CPQ: variants seen among roughly 807,000 people sequenced by gnomAD.
CPQ encodes the protein carboxypeptidase Q.
A neutral mutation model predicts 45.7 loss-of-function variants in CPQ; 37 were observed. The observed-to-expected ratio is 0.81, with a 90% CI of 0.62 to 1.07. CPQ has a LOEUF of 1.07. CPQ is among the 50% of genes least tolerant of loss of function. The pLI is 0.00. For synonymous variants in CPQ, 186 were observed against 205.8 expected (o/e 0.90, Z 0.82); for missense variants, 537 against 572.9 (o/e 0.94, Z 0.64).
intron 7 of CPQ, among the ~76,000 whole-genome samples, chr8:97,121,373 G>T (rs1252651317): frequency 6.6e-6 from 1 of 152,150 alleles, no homozygotes; most frequent in African/African-American, 2.4e-5. Flanking sequence ...AAGCCAAAGT[G>T]GAAAGAACTT....
intron 4 of CPQ, among the ~76,000 whole-genome samples, chr8:96,955,790 A>G (rs1382893162): frequency 2.0e-5 from 3 of 152,196 alleles, no homozygotes; most frequent in African/African-American, 7.2e-5. Flanking sequence ...TCCCTATTTA[A>G]TGAATGGTGC....
At chr8:97,044,708 G>A (rs578091996) in intron 6 of CPQ, among the ~76,000 whole-genome samples, 53 of 152,258 alleles carry the variant, frequency 3.5e-4, no homozygotes, top group Admixed American at 9.8e-4. Flanking sequence ...TAACAGACAG[G>A]ACCCTCAGCT....
chr8:96,785,066 G>A lies in CPQ; in HGVS notation c.169G>A (p.Gly57Ser). ...AGCAATCATCAACCTAGCTGTTTAT[G>A]GTAAAGCCCAGAACAGATCCTATGA... is the stretch of plus-strand genomic sequence containing the variant. Reference protein sequence around the residue: ...AKAIINLAVYGKAQNRSYERL... With the variant: ...AKAIINLAVYSKAQNRSYERL... The change falls in exon 2 of 8, where the codon GGT becomes AGT. Residue 57 changes from glycine (G) to serine (S), a missense_variant. By Grantham distance (56) the Gly-to-Ser change is moderately conservative. Coordinates refer to ENST00000220763, the MANE Select transcript of CPQ (RefSeq NM_016134.4). 1 of 1,613,762 alleles carries A rather than the reference G, an allele frequency of 6.2e-7. No homozygotes were observed.
chr8:96,937,562 A>G (rs1451543024), intron 4 of CPQ, among the ~76,000 whole-genome samples: 1 of 152,124 alleles, frequency 6.6e-6, no homozygotes, highest in East Asian at 1.9e-4. Context: ...CTTAGGAGAG[A>G]CACTTGTATG....
intron 7 of CPQ, among the ~76,000 whole-genome samples, chr8:97,089,027 T>C (rs925134383): frequency 6.6e-6 from 1 of 152,094 alleles, no homozygotes; most frequent in Non-Finnish European, 1.5e-5. Flanking sequence ...GTGGATCACC[T>C]GAGGTTGGGA....
At chr8:96,950,376 C>G (rs1813243249) in intron 4 of CPQ, among the ~76,000 whole-genome samples, 1 of 152,042 alleles carries the variant, frequency 6.6e-6, no homozygotes, top group South Asian at 2.1e-4. Flanking sequence ...CAAATAAACT[C>G]AGATTGATTT....
intron 2 of CPQ, among the ~76,000 whole-genome samples, chr8:96,806,413 T>G (rs1811080588): frequency 6.6e-6 from 1 of 152,146 alleles, no homozygotes; most frequent in Non-Finnish European, 1.5e-5. Context: ...GACCTGATTC[T>G]AGGCTCACAC....
At chr8:97,042,395 G>C (rs1326796898) in intron 6 of CPQ, among the ~76,000 whole-genome samples, 1 of 151,834 alleles carries the variant, frequency 6.6e-6, no homozygotes, top group Non-Finnish European at 1.5e-5. Context: ...TATTAGTCTT[G>C]CTAGCAGTCT....
At chr8:97,089,736 TG>T (rs989709616) in intron 7 of CPQ, among the ~76,000 whole-genome samples, 2 of 152,154 alleles carry the variant, frequency 1.3e-5, no homozygotes, top group African/African-American at 4.8e-5. Context: ...CAACCTAGGA[TG>T]GGGTAGGGAG....
At chr8:96,972,462 G>C (rs952438819) in intron 5 of CPQ, among the ~76,000 whole-genome samples, 2 of 152,144 alleles carry the variant, frequency 1.3e-5, no homozygotes, top group African/African-American at 2.4e-5. Flanking sequence ...TCTTTTGGGA[G>C]CTCTATGGCC....
chr8:96,730,896 T>TATATATATATATATATATACA (rs1563481761), intron 1 of CPQ, among the ~76,000 whole-genome samples: 1 of 76,078 alleles, frequency 1.3e-5, no homozygotes, highest in Non-Finnish European at 3.7e-5. Context: ...TATATATGCA[T>TATATATATATATATATATACA]TTTTTTTTAA....
At chr8:97,128,169 A>G (rs1009419112) in intron 7 of CPQ, among the ~76,000 whole-genome samples, 2 of 152,204 alleles carry the variant, frequency 1.3e-5, no homozygotes, top group East Asian at 3.9e-4. Context: ...CTCTTTCCCA[A>G]GGTTTTGCAG....
intron 5 of CPQ, among the ~76,000 whole-genome samples, chr8:97,003,926 G>A (rs1474902035): frequency 3.9e-5 from 6 of 152,088 alleles, no homozygotes; most frequent in African/African-American, 9.7e-5. Context: ...ATCAGACTTA[G>A]TAAGACATTT....
chr8:96,663,557 T>TG (rs1441706550), intron 1 of CPQ, among the ~76,000 whole-genome samples: 1 of 152,224 alleles, frequency 6.6e-6, no homozygotes, highest in East Asian at 1.9e-4. Context: ...ATCCAGGCTG[T>TG]GAGCACTTTT....
intron 1 of CPQ, among the ~76,000 whole-genome samples, 170 bp from the exon 2 acceptor site, chr8:96,784,694 G>A (rs1810737045): frequency 6.6e-6 from 1 of 152,086 alleles, no homozygotes; most frequent in Admixed American, 6.6e-5. Context: ...GTCAATCGTT[G>A]CCTCTTTACT....
intron 6 of CPQ, among the ~76,000 whole-genome samples, chr8:97,036,251 A>C (rs760285262): frequency 6.6e-6 from 1 of 152,168 alleles, no homozygotes; most frequent in Non-Finnish European, 1.5e-5. Flanking sequence ...CGATTCCCTC[A>C]AAGGGCATGA....
rs62508627 is a variant in CPQ, at chr8:97,055,588, G to C, written c.1054-10421G>C. On this transcript the variant is annotated intron_variant, in intron 6 of 7. Coordinates refer to ENST00000220763, the MANE Select transcript of CPQ (RefSeq NM_016134.4). ...ATGCTACTGCAGTACTCCACGTGAA[G>C]GCTGGTGGTCGCTTGGACTGAGTCA... 1,112 of 152,264 alleles carry C rather than the reference G, an allele frequency of 7.3e-3. 5 individuals carry two copies. Among genetic ancestry groups the C allele is most frequent in the Non-Finnish European group, 0.011 (727 of 68,018 alleles). 9.4% of individuals were successfully genotyped at this position (152,264 alleles called of 1,614,324 possible).
chr8:97,027,443 G>C (rs1304938029), intron 5 of CPQ, among the ~76,000 whole-genome samples: 1 of 151,976 alleles, frequency 6.6e-6, no homozygotes, highest in African/African-American at 2.4e-5. Flanking sequence ...CCAGCCCCAG[G>C]GTTGTCTTAC....
chr8:96,846,796 A>G (rs1429694160), intron 3 of CPQ, among the ~76,000 whole-genome samples: 1 of 152,172 alleles, frequency 6.6e-6, no homozygotes, highest in African/African-American at 2.4e-5. Context: ...TGTTTCCCCC[A>G]GTAATGTTGT....
Sources: allele counts gnomAD v4.1 joint callset (sites outside exome capture counted in the v4.1 genomes callset), GRCh38; gene constraint gnomAD v4.1.1; transcripts MANE v1.5; gene names NCBI Gene and HGNC (gene_info 2026-07-23, HGNC 2026-07-21).